Variants in DOCK4 observed in about 807,000 individuals in gnomAD.
The protein encoded by DOCK4 is dedicator of cytokinesis 4, also known as dedicator of cytokinesis protein 4.
In DOCK4, 97 loss-of-function variants were observed where a neutral mutation model predicts 268.1. The ratio of observed to expected loss-of-function variants is 0.36; its 90% CI spans 0.31 to 0.43. The LOEUF (loss-of-function observed/expected upper bound fraction) is 0.43, where lower values mean the gene tolerates loss of function less well. Ranked by LOEUF, DOCK4 falls within the 20% of genes least tolerant of loss-of-function variation. The probability of loss-of-function intolerance (pLI) is 1.00; values close to 1 mark genes in which losing one functional copy is unlikely to be tolerated. For missense variants in DOCK4, 2,145 were observed against 2,455.7 expected (o/e 0.87, Z 2.67); for synonymous variants, 954 against 887.2 (o/e 1.08, Z -1.34).
chr7:111,921,955 A>T (rs1252674460), intron 12 of DOCK4, among the ~76,000 whole-genome samples: 1 of 152,212 alleles, frequency 6.6e-6, no homozygotes, highest in Non-Finnish European at 1.5e-5. Context: ...ATTAGGTTCT[A>T]TAAAGGTTTC....
chr7:112,141,120 C>T (rs1814886239), intron 1 of DOCK4, among the ~76,000 whole-genome samples: 1 of 152,186 alleles, frequency 6.6e-6, no homozygotes, highest in Admixed American at 6.5e-5. Flanking sequence ...TCACCAACAT[C>T]CTGCCTCTCT....
chr7:111,962,473 T>C (rs1796994204), intron 8 of DOCK4, among the ~76,000 whole-genome samples: 2 of 152,188 alleles, frequency 1.3e-5, no homozygotes, highest in Admixed American at 1.3e-4. Flanking sequence ...CCAAAACTGA[T>C]GTAGCTACTA....
chr7:111,969,693 A>AG lies in DOCK4; in HGVS notation c.701+7438_701+7439insC, dbSNP rs1554398293. Reference sequence around the variant, plus strand: ...AGTTGAACCAGAAAAAAAAAAAAAAATTTACTGTCTATTGTAGATTAATTG... The same window carrying AG: ...AGTTGAACCAGAAAAAAAAAAAAAAAGTTTACTGTCTATTGTAGATTAATTG... On this transcript the variant is annotated intron_variant, in intron 8 of 52. Transcript: ENST00000428084. 5.3e-5 allele frequency among the ~76,000 whole-genome samples: 8 copies of AG among 151,418 alleles called. No individual in the cohort carries two copies. In the East Asian group the frequency reaches 1.6e-3, roughly 29 times the overall value.
At chr7:112,142,938 T>C (rs1473208036) in intron 1 of DOCK4, among the ~76,000 whole-genome samples, 1 of 152,138 alleles carries the variant, frequency 6.6e-6, no homozygotes, top group Non-Finnish European at 1.5e-5. Context: ...AGACATTAGG[T>C]TGTACCTGGA....
chr7:111,944,439 C>T (rs1215946865), intron 10 of DOCK4, among the ~76,000 whole-genome samples: 1 of 152,040 alleles, frequency 6.6e-6, no homozygotes, highest in Non-Finnish European at 1.5e-5. Flanking sequence ...TTATACAGAG[C>T]CTTCATTAAC....
At chr7:111,941,953 T>C (rs1795239884) in intron 10 of DOCK4, among the ~76,000 whole-genome samples, 2 of 152,186 alleles carry the variant, frequency 1.3e-5, no homozygotes, top group Admixed American at 6.5e-5. Context: ...TCTTCAAACA[T>C]GCAAGTTTAA....
rs371176360 is a variant in DOCK4 at position 111,982,013 on chromosome 7, T to C, written c.549+2293A>G. Among the ~76,000 whole-genome samples, 114 of 152,374 alleles carry C rather than the reference T, an allele frequency of 7.5e-4. 1 individual carries two copies. Among genetic ancestry groups the C allele is most frequent in the African/African-American group, 2.6e-3 (110 of 41,588 alleles). ...TGTGTCACATCAGTTATTTATCTGA[T>C]ACCTGACATACTCAACTAAATACAG... On this transcript the variant is annotated intron_variant, in intron 7 of 52. Transcript: ENST00000428084.
chr7:111,934,721 A>G (rs906866846), intron 12 of DOCK4, among the ~76,000 whole-genome samples: 4 of 127,320 alleles, frequency 3.1e-5, no homozygotes, highest in Non-Finnish European at 4.9e-5. Context: ...TTTTTTTTTT[A>G]GTAGAGATGA....
At chr7:112,076,080 C>T (rs1333850220) in intron 1 of DOCK4, among the ~76,000 whole-genome samples, 1 of 152,096 alleles carries the variant, frequency 6.6e-6, no homozygotes, top group Non-Finnish European at 1.5e-5. Flanking sequence ...TATTTGTTGA[C>T]TTTAATGCTA....
At chr7:111,927,557 T>G (rs955533422) in intron 12 of DOCK4, among the ~76,000 whole-genome samples, 1 of 152,238 alleles carries the variant, frequency 6.6e-6, no homozygotes, top group Non-Finnish European at 1.5e-5. Context: ...TTTTTCACTT[T>G]AAAGTTTCCA....
chr7:112,152,246 G>T (rs1306219698), intron 1 of DOCK4, among the ~76,000 whole-genome samples: 1 of 152,186 alleles, frequency 6.6e-6, no homozygotes, highest in African/African-American at 2.4e-5. Context: ...GAGAGTATTA[G>T]CATTCAACTC....
intron 11 of DOCK4, among the ~76,000 whole-genome samples, chr7:111,937,862 G>T (rs974253449): frequency 6.6e-6 from 1 of 152,190 alleles, no homozygotes; most frequent in Non-Finnish European, 1.5e-5. Context: ...GTTCCCCTAT[G>T]AGTAAAACTG....
chr7:111,961,190 A>G (rs1717347480), intron 8 of DOCK4, among the ~76,000 whole-genome samples: 1 of 152,182 alleles, frequency 6.6e-6, no homozygotes, highest in South Asian at 2.1e-4. Context: ...TACTTAAAAA[A>G]GATCAAGGCC....
At chr7:111,736,162 T>C (rs1027589018) in intron 50 of DOCK4, among the ~76,000 whole-genome samples, 4 of 152,240 alleles carry the variant, frequency 2.6e-5, no homozygotes, top group Non-Finnish European at 4.4e-5. Context: ...CAAATGACAA[T>C]AGTTTACTTC....
At chr7:111,763,228 C>T (rs1469737677) in intron 39 of DOCK4, among the ~76,000 whole-genome samples, 2 of 152,148 alleles carry the variant, frequency 1.3e-5, no homozygotes, top group African/African-American at 4.8e-5. Context: ...GCTGGGATTA[C>T]AGGTGTGAGC....
At chr7:111,982,333 C>T (rs1236299254) in intron 7 of DOCK4, among the ~76,000 whole-genome samples, 1 of 152,200 alleles carries the variant, frequency 6.6e-6, no homozygotes, top group African/African-American at 2.4e-5. Flanking sequence ...AAATTTCTAT[C>T]ATGTTTTATC....
chr7:111,795,520 G>A (rs1217922507), intron 30 of DOCK4, among the ~76,000 whole-genome samples: 2 of 152,186 alleles, frequency 1.3e-5, no homozygotes, highest in African/African-American at 4.8e-5. Flanking sequence ...CAGAACAAAG[G>A]AGAGCTGGGA....
intron 1 of DOCK4, among the ~76,000 whole-genome samples, chr7:112,058,024 ATTTTT>A (rs67991598): frequency 0.056 from 6,466 of 114,992 alleles, 533 homozygotes; most frequent in African/African-American, 0.19. Context: ...TACAGGTTCA[ATTTTT>A]TTTTTTTTTT....
intron 1 of DOCK4, among the ~76,000 whole-genome samples, chr7:112,152,412 C>A (rs1016329691): frequency 6.6e-6 from 1 of 152,156 alleles, no homozygotes; most frequent in African/African-American, 2.4e-5. Context: ...ACACAGCATG[C>A]CTCCTAAAGA....
Sources: allele counts gnomAD v4.1 joint callset (sites outside exome capture counted in the v4.1 genomes callset), GRCh38; gene constraint gnomAD v4.1.1; transcripts MANE v1.5; gene names NCBI Gene and HGNC (gene_info 2026-07-23, HGNC 2026-07-21).